Variants in TMEM117 observed in about 807,000 individuals in gnomAD.
The protein encoded by TMEM117 is transmembrane protein 117.
In TMEM117, 27 loss-of-function variants were observed where a neutral mutation model predicts 52.4. That is an observed-to-expected ratio of 0.51 (90% confidence interval 0.38 to 0.71). The LOEUF (loss-of-function observed/expected upper bound fraction) is 0.71. TMEM117 is among the 30% of genes least tolerant of loss of function. The pLI is 0.00. For synonymous variants in TMEM117, 215 were observed against 206.3 expected (o/e 1.04, Z -0.36); for missense variants, 556 against 630.5 (o/e 0.88, Z 1.26).
chr12:43,844,725 T>G lies in TMEM117; in HGVS notation c.74T>G (p.Phe25Cys). Residue 25 changes from phenylalanine (F) to cysteine (C), a missense_variant, in exon 2 of 8, where the codon TTT (phenylalanine) becomes TGT (cysteine). Phe to Cys is a radical substitution (Grantham distance 205). This residue lies in a region of TMEM117 where 328 missense variants were observed against 371.4 expected (regional missense o/e 0.88). Coordinates refer to ENST00000266534, the MANE Select transcript of TMEM117 (RefSeq NM_032256.3). ...ATTGTGGCTTACTTGGTGATCTTCTTTAACTTCTTAATATTTGCGGAGGAC... is the reference window on the plus strand; with the variant it reads ...ATTGTGGCTTACTTGGTGATCTTCTGTAACTTCTTAATATTTGCGGAGGAC... Reference protein sequence around the residue: ...RMIVAYLVIFFNFLIFAEDPV... With the variant: ...RMIVAYLVIFCNFLIFAEDPV... 1 of 1,614,212 alleles carries G rather than the reference T, an allele frequency of 6.2e-7. No homozygotes were observed. Among genetic ancestry groups the G allele is most frequent in the Middle Eastern group, 1.6e-4 (1 of 6,062 alleles).
At chr12:44,184,800 C>G (rs138265194) in intron 4 of TMEM117, among the ~76,000 whole-genome samples, 3 of 152,294 alleles carry the variant, frequency 2.0e-5, no homozygotes, top group African/African-American at 7.2e-5. Flanking sequence ...TCTGACTACA[C>G]AACTGTGAGC....
intron 4 of TMEM117, among the ~76,000 whole-genome samples, chr12:44,172,095 G>A (rs1160814989): frequency 6.6e-6 from 1 of 152,216 alleles, no homozygotes; most frequent in Non-Finnish European, 1.5e-5. Flanking sequence ...ACTTTGTTAA[G>A]ATGAATGGAT....
chr12:44,065,858 G>GT (rs1316895036), intron 3 of TMEM117, among the ~76,000 whole-genome samples: 1 of 152,206 alleles, frequency 6.6e-6, no homozygotes, highest in East Asian at 1.9e-4. Flanking sequence ...CTCTCTCTAC[G>GT]TTAATGATGC....
At chr12:44,206,102 T>A (rs1949562206) in intron 4 of TMEM117, among the ~76,000 whole-genome samples, 1 of 152,172 alleles carries the variant, frequency 6.6e-6, no homozygotes, top group African/African-American at 2.4e-5. Context: ...TTCTTTTAAT[T>A]TTATTTTATT....
intron 4 of TMEM117, among the ~76,000 whole-genome samples, chr12:44,166,299 C>T (rs76099678): frequency 0.019 from 2,969 of 152,274 alleles, 90 homozygotes; most frequent in African/African-American, 0.066. Context: ...AGGCCAGTGA[C>T]ATCCTCTCAA....
At chr12:43,945,532 C>A (rs566237181) in intron 3 of TMEM117, among the ~76,000 whole-genome samples, 2 of 152,038 alleles carry the variant, frequency 1.3e-5, no homozygotes, top group Admixed American at 6.6e-5. Flanking sequence ...CATGTTGGTT[C>A]GTCTGGTCTC....
intron 4 of TMEM117, among the ~76,000 whole-genome samples, chr12:44,157,647 T>A (rs1432145424): frequency 6.6e-6 from 1 of 152,120 alleles, no homozygotes; most frequent in Non-Finnish European, 1.5e-5. Flanking sequence ...TAGTGTTATG[T>A]CATTTTACAA....
At chr12:44,058,410 G>T (rs1947090543) in intron 3 of TMEM117, among the ~76,000 whole-genome samples, 1 of 152,070 alleles carries the variant, frequency 6.6e-6, no homozygotes, top group Non-Finnish European at 1.5e-5. Flanking sequence ...ATATTACCTG[G>T]ATCAATTTTT....
chr12:44,167,434 C>T (rs771314131), intron 4 of TMEM117, among the ~76,000 whole-genome samples: 8 of 151,362 alleles, frequency 5.3e-5, no homozygotes, highest in Non-Finnish European at 5.9e-5. Flanking sequence ...TTTGGGAGGC[C>T]GAGGCGGGCA....
At chr12:44,182,230 A>C (rs1949211327) in intron 4 of TMEM117, among the ~76,000 whole-genome samples, 2 of 152,108 alleles carry the variant, frequency 1.3e-5, no homozygotes, top group South Asian at 2.1e-4. Context: ...GCTGAAGTTG[A>C]TTATCAGCTT....
the TMEM117 span, chr12:43,806,414 C>T: frequency 3.1e-5 from 36 of 1,151,972 alleles, no homozygotes; most frequent in Non-Finnish European, 3.8e-5. Flanking sequence ...CCCGCCGCCC[C>T]GCCGCCCTTC....
At chr12:44,027,200 A>ATTTTATTTATTTTATTTTATTTTATT in intron 3 of TMEM117, among the ~76,000 whole-genome samples, 1 of 86,106 alleles carries the variant, frequency 1.2e-5, no homozygotes, top group African/African-American at 6.6e-5. Context: ...TTTTATTTTA[A>ATTTTATTTATTTTATTTTATTTTATT]TTAGAGATGG....
chr12:43,879,972 C>T (rs1246198988), intron 2 of TMEM117, among the ~76,000 whole-genome samples: 2 of 152,138 alleles, frequency 1.3e-5, no homozygotes, highest in Non-Finnish European at 2.9e-5. Context: ...AAATCTGTTT[C>T]TACCAAGACA....
In TMEM117 at chr12:44,388,668, A is replaced by G. The variant is rs1310897902; in HGVS notation, c.1541A>G (p.Asn514Ser). 1.2e-6 allele frequency: 2 copies of G among 1,612,512 alleles called. No individual in the cohort carries two copies. Among genetic ancestry groups the G allele is most frequent in the Non-Finnish European group, 8.5e-7 (1 of 1,179,004 alleles). The part of the protein sequence containing the change: ...DPTTSKSTPT[N>S] ...ACGACTTCTAAAAGTACACCTACGA[A>G]CTAGACTCGGAGATAGACTTGGAGA... The change falls in exon 8 of 8, where the codon AAC becomes AGC. Residue 514 changes from asparagine (N) to serine (S), a missense_variant. Coordinates refer to ENST00000266534, the MANE Select transcript of TMEM117 (RefSeq NM_032256.3).
chr12:43,888,543 C>CTTTTTTTTTTT (rs147186370), intron 2 of TMEM117, among the ~76,000 whole-genome samples: 8 of 92,206 alleles, frequency 8.7e-5, no homozygotes, highest in East Asian at 3.3e-4. Flanking sequence ...CATTAGTTTT[C>CTTTTTTTTTTT]TTTTTTTTTT....
At chr12:43,976,370 G>T (rs1442686991) in intron 3 of TMEM117, among the ~76,000 whole-genome samples, 2 of 151,982 alleles carry the variant, frequency 1.3e-5, no homozygotes, top group African/African-American at 4.8e-5. Context: ...CTAGGGGACT[G>T]CTGGCACTAG....
intron 3 of TMEM117, among the ~76,000 whole-genome samples, chr12:43,972,521 T>G (rs190297453): frequency 1.3e-5 from 2 of 152,304 alleles, no homozygotes; most frequent in East Asian, 3.9e-4. Context: ...GGTGGCCAGC[T>G]TTTATTTCCT....
At chr12:44,096,340 C>G (rs2138059598) in intron 3 of TMEM117, among the ~76,000 whole-genome samples, 1 of 152,164 alleles carries the variant, frequency 6.6e-6, no homozygotes, top group Non-Finnish European at 1.5e-5. Flanking sequence ...CAATGACTTT[C>G]TTCACAGAAT....
downstream of TMEM117, among the ~76,000 whole-genome samples, chr12:44,391,479 T>C (rs78773540): frequency 0.039 from 5,890 of 152,202 alleles, 167 homozygotes; most frequent in Non-Finnish European, 0.065. Context: ...ATTTTTGTAG[T>C]ATCAGATTTC....
Sources: allele counts gnomAD v4.1 joint callset (sites outside exome capture counted in the v4.1 genomes callset), GRCh38; gene constraint gnomAD v4.1.1; regional missense constraint gnomAD v4.1.1; transcripts MANE v1.5; gene names NCBI Gene and HGNC (gene_info 2026-07-23, HGNC 2026-07-21).